CROCC2: variants seen among roughly 807,000 people sequenced by gnomAD.
CROCC2 encodes ciliary rootlet coiled-coil, rootletin family member 2.
Under a neutral mutation model 177.6 loss-of-function variants are expected in CROCC2, and 163 were observed. The ratio of observed to expected loss-of-function variants is 0.92; its 90% CI spans 0.81 to 1.05. CROCC2 has a LOEUF of 1.05. Ranked by LOEUF, CROCC2 falls within the 50% of genes least tolerant of loss-of-function variation. The pLI is 0.00. For synonymous variants in CROCC2, 904 were observed against 787.3 expected (o/e 1.15, Z -2.48); for missense variants, 1,929 against 1,797.8 (o/e 1.07, Z -1.32).
At chr2:240,948,933 C>A (rs1323830090) in intron 15 of CROCC2, 46 bp from the exon 16 acceptor site, 1 of 1,532,196 alleles carries the variant, frequency 6.5e-7, no homozygotes, top group South Asian at 1.2e-5. Flanking sequence ...ATTTTACACG[C>A]AGGATCTTGG....
At chr2:240,922,475 G>A in intron 3 of CROCC2, 64 bp from the exon 4 acceptor site, 1 of 636,648 alleles carries the variant, frequency 1.6e-6, no homozygotes, top group Non-Finnish European at 2.9e-6. Context: ...TGCCCAAGAT[G>A]CCCCAGCCCC....
At chr2:240,929,938 G>T (rs2059416883) in intron 5 of CROCC2, among the ~76,000 whole-genome samples, 1 of 152,216 alleles carries the variant, frequency 6.6e-6, no homozygotes, top group African/African-American at 2.4e-5. Context: ...GCCTGGGAGG[G>T]CTGGATGTGG....
intron 20 of CROCC2, 148 bp downstream of exon 20, chr2:240,959,592 G>T (rs776462029): frequency 1.0e-5 from 11 of 1,071,262 alleles, no homozygotes; most frequent in African/African-American, 4.9e-5. Context: ...ACTAGGAAGA[G>T]GCAAACAGCC....
At chr2:240,907,024 C>G (rs1009004890) in intron 1 of CROCC2, among the ~76,000 whole-genome samples, 11 of 151,986 alleles carry the variant, frequency 7.2e-5, no homozygotes, top group African/African-American at 2.7e-4. Context: ...TGACTGGCGT[C>G]CCTGGCAGCC....
intron 4 of CROCC2, among the ~76,000 whole-genome samples, chr2:240,925,223 G>GC (rs2059388488): frequency 6.6e-6 from 1 of 152,236 alleles, no homozygotes; most frequent in East Asian, 1.9e-4. Flanking sequence ...TGGCGGGGGT[G>GC]CCGGCTCCCG....
intron 6 of CROCC2, among the ~76,000 whole-genome samples, chr2:240,930,701 C>T (rs1311262892): frequency 1.3e-5 from 2 of 152,086 alleles, no homozygotes; most frequent in Admixed American, 1.3e-4. Flanking sequence ...GGGTCGATGA[C>T]TCGGTGAAGG....
chr2:240,990,862 T>C (rs182601763), intron 30 of CROCC2, among the ~76,000 whole-genome samples: 60 of 151,922 alleles, frequency 3.9e-4, no homozygotes, highest in Middle Eastern at 3.5e-3. Flanking sequence ...CCCAAAGTGC[T>C]GGGATTACAG....
Position 240,933,769 on chromosome 2 carries a change from G to A in CROCC2, c.1563G>A (p.Leu521=), listed in dbSNP as rs530750586. 51 of 1,549,576 alleles carry A rather than the reference G, an allele frequency of 3.3e-5. 1 individual carries two copies. In the South Asian group the frequency reaches 6.0e-4, roughly 18 times the overall value. Reference sequence around the variant, plus strand: ...GGCTGGAGGCCGAGGCTGCAGAGCTGCAGAGAAGCCTCCTGCTGCAGGCAG... The same window carrying A: ...GGCTGGAGGCCGAGGCTGCAGAGCTACAGAGAAGCCTCCTGCTGCAGGCAG... The part of the protein sequence containing the change: ...KQGLEAEAAE[L]QRSLLLQAER... Residue 521 remains leucine, a synonymous_variant, in exon 11 of 32, where the codon CTG becomes CTA. Coordinates refer to ENST00000690015, the MANE Select transcript of CROCC2 (RefSeq NM_001351305.2).
chr2:240,989,212 G>A (rs1422149129), intron 29 of CROCC2, among the ~76,000 whole-genome samples: 1 of 152,146 alleles, frequency 6.6e-6, no homozygotes, highest in Non-Finnish European at 1.5e-5. Context: ...CTTGTGTTAG[G>A]GCGAGGAAAT....
At chr2:240,928,327 T>C (rs1270992998) in intron 5 of CROCC2, among the ~76,000 whole-genome samples, 2 of 152,216 alleles carry the variant, frequency 1.3e-5, no homozygotes, top group Non-Finnish European at 2.9e-5. Context: ...TGTGCTTCCA[T>C]ATCCACAAGG....
chr2:240,976,845 T>A (rs12619217), intron 27 of CROCC2, among the ~76,000 whole-genome samples: 35 of 14,158 alleles, frequency 2.5e-3, no homozygotes, highest in East Asian at 0.018. Context: ...TAGGAGCCTC[T>A]GGAGCCCAGG....
intron 3 of CROCC2, among the ~76,000 whole-genome samples, chr2:240,921,608 G>T (rs1275386305): frequency 6.6e-6 from 1 of 152,208 alleles, no homozygotes; most frequent in African/African-American, 2.4e-5. Flanking sequence ...AGCAGGCAAA[G>T]TGTGGGTGCC....
intron 27 of CROCC2, among the ~76,000 whole-genome samples, chr2:240,971,128 C>T (rs911585395): frequency 6.6e-6 from 1 of 152,214 alleles, no homozygotes. Context: ...CTGCACCCCA[C>T]GCCCCCCATC....
chr2:240,936,381 T>C (rs1056354075), intron 14 of CROCC2, among the ~76,000 whole-genome samples: 6 of 152,146 alleles, frequency 3.9e-5, no homozygotes, highest in African/African-American at 1.4e-4. Context: ...TGCTCTGATG[T>C]GCAGCACCAC....
In CROCC2 at chr2:240,965,367, C is replaced by T. The variant is rs1008440072; in HGVS notation, c.3466-14C>T. Reference sequence around the variant, plus strand: ...GAGACCAGTGACCCTGTCCGTGCGGCCCCACGCTCCCAGGTGAGGACACTG... The same window carrying T: ...GAGACCAGTGACCCTGTCCGTGCGGTCCCACGCTCCCAGGTGAGGACACTG... On this transcript the variant is annotated splice_polypyrimidine_tract_variant and intron_variant, in intron 22 of 31. Coordinates refer to ENST00000690015, the MANE Select transcript of CROCC2 (RefSeq NM_001351305.2). 3 of 1,548,922 alleles carry T rather than the reference C, an allele frequency of 1.9e-6. No homozygotes were observed. Among genetic ancestry groups the T allele is most frequent in the Non-Finnish European group, 1.7e-6 (2 of 1,146,716 alleles).
intron 1 of CROCC2, among the ~76,000 whole-genome samples, chr2:240,909,718 C>T (rs996945525): frequency 1.4e-4 from 22 of 152,190 alleles, no homozygotes; most frequent in African/African-American, 4.8e-4. Context: ...GCTACGCAGG[C>T]CCCAGTGAAG....
intron 13 of CROCC2, 121 bp downstream of exon 13, chr2:240,935,183 T>C (rs1387244986): frequency 6.3e-6 from 8 of 1,262,222 alleles, no homozygotes; most frequent in Middle Eastern, 4.2e-4. Context: ...GTTTGAGGTT[T>C]TGGGGACAAG....
At chr2:240,929,093 C>T (rs1191327583) in intron 5 of CROCC2, among the ~76,000 whole-genome samples, 4 of 151,954 alleles carry the variant, frequency 2.6e-5, no homozygotes, top group African/African-American at 4.8e-5. Flanking sequence ...ATGTGTTCTC[C>T]GGAGGGTGTA....
At chr2:240,983,341 A>C in intron 28 of CROCC2, 2 of 1,282,194 alleles carry the variant, frequency 1.6e-6, no homozygotes, top group Non-Finnish European at 1.0e-6. Context: ...AGTTGAGGCC[A>C]GAGCCAGCCT....
Sources: allele counts gnomAD v4.1 joint callset (sites outside exome capture counted in the v4.1 genomes callset), GRCh38; gene constraint gnomAD v4.1.1; transcripts MANE v1.5; gene names NCBI Gene and HGNC (gene_info 2026-07-23, HGNC 2026-07-21).